SORT1: variants seen among roughly 807,000 people sequenced by gnomAD.
SORT1 encodes sortilin 1, also known as sortilin.
A neutral mutation model predicts 101.7 loss-of-function variants in SORT1; 39 were observed. The observed-to-expected ratio is 0.38, with a 90% confidence interval of 0.30 to 0.50. The LOEUF is 0.50. Ranked by LOEUF, SORT1 falls within the 20% of genes least tolerant of loss-of-function variation. The pLI is 0.90. For synonymous variants in SORT1, 396 were observed against 393.7 expected, an observed-to-expected ratio of 1.01 and a Z score of -0.07; for missense variants, 878 against 1,040.4, an observed-to-expected ratio of 0.84 and a Z score of 2.15.
chr1:109,372,960 G>A (rs1235419480), intron 1 of SORT1, among the ~76,000 whole-genome samples: 1 of 151,526 alleles, frequency 6.6e-6, no homozygotes, highest in Non-Finnish European at 1.5e-5. Flanking sequence ...GGAGGCTGAG[G>A]CAGAGAATTG....
rs1192569334 is a variant in SORT1 at position 109,367,402 on chromosome 1, T to A, written c.440+6A>T. 6.5e-6 allele frequency: 10 copies of A among 1,547,560 alleles called. No individual in the cohort carries two copies. The highest frequency in any genetic ancestry group is 8.9e-6 in the Non-Finnish European group (10 of 1,123,326). On this transcript the variant is annotated splice_donor_region_variant and intron_variant, in intron 3 of 19. Transcript: ENST00000256637. ...GAAATGCTCCAACGCGTGTTATTGA[T>A]CTCACCTTCGATATAGCTTGGACTG... is the stretch of plus-strand genomic sequence containing the variant.
Position 109,397,743 on chromosome 1 carries a change from C to G in SORT1, c.150G>C (p.Trp50Cys). The G allele has an allele frequency of 8.3e-7, 1 of 1,198,758 alleles. No homozygotes were observed. Among genetic ancestry groups the G allele is most frequent in the Non-Finnish European group, 1.0e-6 (1 of 966,624 alleles). 74.3% of individuals were successfully genotyped at this position (1,198,758 alleles called of 1,614,324 possible). A position where few individuals can be genotyped will look rare whatever the true frequency, so the allele number is the denominator to read the frequency against. Residue 50 changes from tryptophan (W) to cysteine (C), a missense_variant, in exon 1 of 20, where the codon TGG becomes TGC. Physicochemically the swap from Trp to Cys is radical, Grantham distance 215. Around this residue, in one of 2 missense-constraint regions of SORT1, gnomAD observed 194 missense variants for 145.9 expected, o/e 1.33. Transcript: ENST00000256637. ...CCCAGCTCACCCCGATGGGGCCAGA[C>G]CAGCGCGGCAGCGGCGCAGCGGGCG... ...PPPPAAPLPRWSGPIGVSWGL... is the reference protein window; with the variant it reads ...PPPPAAPLPRCSGPIGVSWGL...
At chr1:109,350,859 C>T (rs1328273373) in intron 6 of SORT1, 70 bp downstream of exon 6, 1 of 991,308 alleles carries the variant, frequency 1.0e-6, no homozygotes, top group African/African-American at 1.6e-5. Context: ...AATATTTATT[C>T]ATGTGATTTT....
At chr1:109,319,155 A>T (rs1240549094) in intron 15 of SORT1, among the ~76,000 whole-genome samples, 2 of 151,988 alleles carry the variant, frequency 1.3e-5, no homozygotes, top group Non-Finnish European at 2.9e-5. Flanking sequence ...TGTCTTCCCC[A>T]CTTCTGTTCC....
intron 1 of SORT1, among the ~76,000 whole-genome samples, chr1:109,382,061 T>TA (rs34744406): frequency 2.5e-3 from 373 of 147,134 alleles, no homozygotes; most frequent in African/African-American, 7.5e-3. Context: ...TATTTTTACT[T>TA]AAAAAAAAAA....
intron 11 of SORT1, among the ~76,000 whole-genome samples, chr1:109,329,469 G>A (rs924736318): frequency 6.6e-6 from 1 of 152,134 alleles, no homozygotes; most frequent in African/African-American, 2.4e-5. Flanking sequence ...TAGTGAGGAC[G>A]GTCTTGATTT....
At chr1:109,327,269 G>A (rs1181320261) in intron 12 of SORT1, 109 bp from the exon 13 acceptor site, 1 of 1,031,254 alleles carries the variant, frequency 9.7e-7, no homozygotes, top group Non-Finnish European at 1.4e-6. Context: ...TTCCCATCAA[G>A]CCTCTTTTAG....
At chr1:109,385,842 T>C (rs993569859) in intron 1 of SORT1, among the ~76,000 whole-genome samples, 2 of 152,232 alleles carry the variant, frequency 1.3e-5, no homozygotes, top group African/African-American at 4.8e-5. Flanking sequence ...ATTATTCCTG[T>C]GGTTACTATT....
rs769450704 is a variant in SORT1 at position 109,393,172 on chromosome 1, G to A, written c.306+4415C>T. ...TGCCAGAGCCAGCAAACAAACACAC[G>A]CATTCTTCCCAGAGCTGACACCCCA... On this transcript the variant is annotated intron_variant, in intron 1 of 19. Transcript: ENST00000256637. The A allele has an allele frequency of 1.1e-5, 11 of 985,430 alleles. No individual in the cohort carries two copies. The Admixed American group carries it at 1.8e-4, about 17-fold the overall frequency. 61.0% of individuals were successfully genotyped at this position (985,430 alleles called of 1,614,324 possible). A position where few individuals can be genotyped will look rare whatever the true frequency, so the allele number is the denominator to read the frequency against.
chr1:109,323,111 C>G lies in SORT1; in HGVS notation c.1845G>C (p.Lys615Asn), dbSNP rs1292288504. Reference protein sequence around the residue: ...KDILERNCEEKDYTIWLAHST... With the variant: ...KDILERNCEENDYTIWLAHST... ...AGTGTGCCAGCCATATGGTATAGTC[C>G]TTCTCTTCACCTAAAGGAGAGACAC... The change falls in exon 15 of 20, where the codon AAG becomes AAC. Residue 615 changes from lysine to asparagine, a missense_variant. Lys to Asn is a moderately conservative substitution (Grantham distance 94). Transcript: ENST00000256637. 15 of 1,613,372 alleles carry G rather than the reference C, an allele frequency of 9.3e-6. No individual in the cohort carries two copies. Among genetic ancestry groups the G allele is most frequent in the African/African-American group, 1.3e-5 (1 of 74,918 alleles).
At chr1:109,380,392 TTACTCTGACTA>T in intron 1 of SORT1, among the ~76,000 whole-genome samples, 1 of 152,106 alleles carries the variant, frequency 6.6e-6, no homozygotes, top group East Asian at 1.9e-4. Flanking sequence ...ACTTAAGGAT[TTACTCTGACTA>T]TGTAAAAAGT....
At chr1:109,359,375 T>C (rs1158132333) in intron 3 of SORT1, among the ~76,000 whole-genome samples, 1 of 152,070 alleles carries the variant, frequency 6.6e-6, no homozygotes, top group Non-Finnish European at 1.5e-5. Context: ...AGAGGGAACA[T>C]AAACATTCAG....
intron 10 of SORT1, among the ~76,000 whole-genome samples, chr1:109,337,422 T>C (rs1648909215): frequency 6.6e-6 from 1 of 151,962 alleles, no homozygotes; most frequent in African/African-American, 2.4e-5. Context: ...TTGGTATTTT[T>C]AGTAGAGACG....
intron 6 of SORT1, 67 bp downstream of exon 6, chr1:109,350,862 G>T: frequency 2.0e-6 from 2 of 1,019,630 alleles, no homozygotes; most frequent in Non-Finnish European, 3.1e-6. Flanking sequence ...ATTTATTCAT[G>T]TGATTTTTGG....
intron 11 of SORT1, among the ~76,000 whole-genome samples, chr1:109,329,468 C>T (rs565565203): frequency 9.9e-5 from 15 of 152,230 alleles, no homozygotes; most frequent in Admixed American, 2.0e-4. Flanking sequence ...TTAGTGAGGA[C>T]GGTCTTGATT....
rs549012187 is a variant in SORT1, at chr1:109,336,442, G to A, written c.1265-96C>T. The A allele has an allele frequency of 3.8e-6, 3 of 787,806 alleles. No individual in the cohort carries two copies. In the South Asian group the frequency reaches 4.4e-5, roughly 12 times the overall value. 48.8% of individuals were successfully genotyped at this position (787,806 alleles called of 1,614,324 possible). A position where few individuals can be genotyped will look rare whatever the true frequency, so the allele number is the denominator to read the frequency against. On this transcript the variant is annotated intron_variant, in intron 10 of 19. Transcript: ENST00000256637. ...CATGACTCTCTCCTGAGACCGTATAGCACCTGGAGTCCGACAAGCTTGTAA... is the reference window on the plus strand; with the variant it reads ...CATGACTCTCTCCTGAGACCGTATAACACCTGGAGTCCGACAAGCTTGTAA...
intron 10 of SORT1, among the ~76,000 whole-genome samples, chr1:109,338,357 G>A (rs908748220): frequency 6.6e-6 from 1 of 152,132 alleles, no homozygotes. Flanking sequence ...GGAGGAAACC[G>A]GGAGCCATAT....
In SORT1 at chr1:109,326,526, CACATATATAT is replaced by C. The variant is rs1339145251; in HGVS notation, c.1643+456_1643+465del. On this transcript the variant is annotated intron_variant, in intron 13 of 19. Transcript: ENST00000256637. ...ATATACACACATACACATATATATA[CACATATATAT>C]ACATATATATACACATATATATACA... Among the ~76,000 whole-genome samples the C allele has an allele frequency of 6.2e-4, 85 of 136,626 alleles. 1 individual carries two copies. Among genetic ancestry groups the C allele is most frequent in the African/African-American group, 2.7e-4 (10 of 36,434 alleles). The allele number at this position is 136,626 out of a possible 152,430, so 89.6% of individuals were successfully genotyped here. A position where few individuals can be genotyped will look rare whatever the true frequency, so the allele number is the denominator to read the frequency against.
intron 1 of SORT1, among the ~76,000 whole-genome samples, chr1:109,377,893 A>C (rs1304460838): frequency 6.6e-6 from 1 of 152,144 alleles, no homozygotes; most frequent in Non-Finnish European, 1.5e-5. Context: ...CATCTAGTAA[A>C]ATGCTGAGTA....
Sources: gnomAD v4.1 joint callset for allele counts (sites outside exome capture counted in the v4.1 genomes callset) on GRCh38, gnomAD v4.1.1 for gene constraint, gnomAD v4.1.1 regional missense constraint, MANE v1.5 for transcripts, NCBI Gene and HGNC (gene_info 2026-07-23, HGNC 2026-07-21) for gene names.